GRM5: variants seen among roughly 807,000 people sequenced by gnomAD.
GRM5 encodes the protein glutamate metabotropic receptor 5.
A neutral mutation model predicts 83.1 loss-of-function variants in GRM5; 19 were observed. That is an observed-to-expected ratio of 0.23 (90% CI 0.16 to 0.34). The LOEUF is 0.34. Ranked by LOEUF, GRM5 falls within the 10% of genes least tolerant of loss-of-function variation. GRM5 has a pLI of 1.00. For missense variants in GRM5, 1,160 were observed against 1,588.3 expected (o/e 0.73, Z 4.58); for synonymous variants, 675 against 633.6 (o/e 1.07, Z -0.98).
chr11:88,909,929 A>G (rs1214587957), intron 2 of GRM5, among the ~76,000 whole-genome samples: 1 of 152,112 alleles, frequency 6.6e-6, no homozygotes, highest in Non-Finnish European at 1.5e-5. Context: ...TAAAATACAT[A>G]TAATCAACTT....
At chr11:88,710,886 A>G (rs1301489612) in intron 3 of GRM5, among the ~76,000 whole-genome samples, 2 of 152,002 alleles carry the variant, frequency 1.3e-5, no homozygotes, top group Admixed American at 6.6e-5. Flanking sequence ...GAATTAGAAA[A>G]ATTAGACTAT....
At chr11:89,056,394 C>A (rs1388559706) in intron 1 of GRM5, among the ~76,000 whole-genome samples, 7 of 152,030 alleles carry the variant, frequency 4.6e-5, no homozygotes, top group African/African-American at 1.7e-4. Context: ...GCAACGTCAC[C>A]ACAAGATTCA....
intron 2 of GRM5, among the ~76,000 whole-genome samples, chr11:88,852,733 A>C (rs567018364): frequency 1.3e-5 from 2 of 152,240 alleles, no homozygotes; most frequent in South Asian, 4.1e-4. Flanking sequence ...GTGTGACATA[A>C]AAATTTTACA....
At position 88,509,460 on chromosome 11, in the gene GRM5, C is replaced by G. The variant is rs775772679; in HGVS notation, c.2771G>C (p.Ser924Thr). Residue 924 changes from serine to threonine, a missense_variant, in exon 10 of 10, where the codon AGC (serine) becomes ACC (threonine). Around this residue, in one of 9 missense-constraint regions of GRM5, gnomAD observed 562 missense variants for 532.4 expected, o/e 1.06. Transcript: ENST00000305447. Reference sequence around the variant, plus strand: ...GCGCTGCCACAGGTGCTGCCCCCGGCTGCTCTTCTCATTCTGGGCCCACGT... The same window carrying G: ...GCGCTGCCACAGGTGCTGCCCCCGGGTGCTCTTCTCATTCTGGGCCCACGT... ...SVTWAQNEKS[S>T]RGQHLWQRLS... 5.6e-6 allele frequency: 9 copies of G among 1,612,516 alleles called. No homozygotes were observed. Among genetic ancestry groups the G allele is most frequent in the Non-Finnish European group, 7.6e-6 (9 of 1,179,816 alleles).
intron 4 of GRM5, among the ~76,000 whole-genome samples, chr11:88,627,364 A>C (rs1037762721): frequency 1.4e-4 from 3 of 21,112 alleles, no homozygotes. Flanking sequence ...TTTACCCTAT[A>C]ATTTCTTTGT....
intron 5 of GRM5, 51 bp downstream of exon 5, chr11:88,604,667 G>T: frequency 2.1e-6 from 3 of 1,460,810 alleles, no homozygotes; most frequent in Non-Finnish European, 2.9e-6. Flanking sequence ...AGGATCAAGA[G>T]TTGGCTGTTA....
At chr11:88,579,740 A>G (rs1177644446) in intron 7 of GRM5, among the ~76,000 whole-genome samples, 1 of 152,204 alleles carries the variant, frequency 6.6e-6, no homozygotes, top group Non-Finnish European at 1.5e-5. Context: ...AGGTCATACA[A>G]AACAGGAATT....
chr11:88,657,959 T>A (rs568329317), intron 3 of GRM5, among the ~76,000 whole-genome samples: 4 of 152,300 alleles, frequency 2.6e-5, no homozygotes, highest in Admixed American at 2.6e-4. Context: ...GAATAGTCTG[T>A]TTCTGGGACA....
chr11:88,550,498 A>G (rs964585490), intron 8 of GRM5, among the ~76,000 whole-genome samples: 1 of 152,190 alleles, frequency 6.6e-6, no homozygotes, highest in Non-Finnish European at 1.5e-5. Context: ...CCCTGCTTGC[A>G]TTATGCAGAC....
chr11:88,971,050 G>A (rs1468210415), intron 2 of GRM5, among the ~76,000 whole-genome samples: 1 of 152,054 alleles, frequency 6.6e-6, no homozygotes, highest in Non-Finnish European at 1.5e-5. Context: ...ACAACGGCAG[G>A]ACTGAATAAA....
intron 2 of GRM5, among the ~76,000 whole-genome samples, chr11:89,035,411 G>T (rs1451757852): frequency 6.6e-6 from 1 of 151,550 alleles, no homozygotes; most frequent in Non-Finnish European, 1.5e-5. Flanking sequence ...ACTTTATTAG[G>T]GAAAGTCAAG....
intron 2 of GRM5, among the ~76,000 whole-genome samples, chr11:88,960,035 G>A (rs1335609067): frequency 6.6e-6 from 1 of 152,090 alleles, no homozygotes; most frequent in Non-Finnish European, 1.5e-5. Flanking sequence ...AGCAAGCCAT[G>A]CAGACTCCGG....
chr11:88,797,548 T>C (rs769206968), intron 3 of GRM5, among the ~76,000 whole-genome samples: 1 of 152,242 alleles, frequency 6.6e-6, no homozygotes, highest in Non-Finnish European at 1.5e-5. Context: ...AATCTTACTA[T>C]TAAATTATTC....
intron 2 of GRM5, among the ~76,000 whole-genome samples, chr11:88,860,112 T>G (rs1452618256): frequency 6.6e-6 from 1 of 152,184 alleles, no homozygotes; most frequent in African/African-American, 2.4e-5. Context: ...TTAAATTTTT[T>G]GGAATATTCC....
intron 2 of GRM5, among the ~76,000 whole-genome samples, chr11:88,884,015 C>T (rs1237296633): frequency 6.6e-6 from 1 of 152,104 alleles, no homozygotes; most frequent in Non-Finnish European, 1.5e-5. Context: ...GGACTGGAGG[C>T]CCCACACAGA....
chr11:89,034,580 T>A (rs1196673061), intron 2 of GRM5, among the ~76,000 whole-genome samples: 1 of 151,854 alleles, frequency 6.6e-6, no homozygotes, highest in Non-Finnish European at 1.5e-5. Flanking sequence ...TTTCACAGTA[T>A]CTACCACAGA....
intron 3 of GRM5, among the ~76,000 whole-genome samples, chr11:88,688,455 A>G (rs1940701573): frequency 6.6e-6 from 1 of 152,190 alleles, no homozygotes; most frequent in South Asian, 2.1e-4. Context: ...TGAGAAAAAT[A>G]TACTGTGGAT....
intron 2 of GRM5, among the ~76,000 whole-genome samples, chr11:88,963,930 T>C (rs1938862728): frequency 6.6e-6 from 1 of 152,176 alleles, no homozygotes; most frequent in Non-Finnish European, 1.5e-5. Context: ...AGGAAAGGTT[T>C]AGAAATATTC....
At chr11:88,884,809 A>G (rs4486632) in intron 2 of GRM5, among the ~76,000 whole-genome samples, 26 of 152,284 alleles carry the variant, frequency 1.7e-4, no homozygotes, top group African/African-American at 5.5e-4. Context: ...CTGCTGCCAC[A>G]TAAGACATGA....
Sources: allele counts gnomAD v4.1 joint callset (sites outside exome capture counted in the v4.1 genomes callset), GRCh38; gene constraint gnomAD v4.1.1; regional missense constraint gnomAD v4.1.1; transcripts MANE v1.5; gene names NCBI Gene and HGNC (gene_info 2026-07-23, HGNC 2026-07-21).